TMEM132B: variants seen among roughly 807,000 people sequenced by gnomAD.
The protein encoded by TMEM132B is transmembrane protein 132B.
A neutral mutation model predicts 90.8 loss-of-function variants in TMEM132B; 18 were observed. The observed-to-expected ratio is 0.20, with a 90% CI of 0.14 to 0.29. The LOEUF is 0.29. TMEM132B is among the 10% of genes least tolerant of loss of function. The probability of loss-of-function intolerance (pLI) is 1.00; values close to 1 mark genes in which losing one functional copy is unlikely to be tolerated. For synonymous variants in TMEM132B, 504 were observed against 523.3 expected, an observed-to-expected ratio of 0.96 and a Z score of 0.50; for missense variants, 1,096 against 1,326.8, an observed-to-expected ratio of 0.83 and a Z score of 2.70.
chr12:125,394,014 A>C (rs1167952699), intron 2 of TMEM132B, among the ~76,000 whole-genome samples: 1 of 152,190 alleles, frequency 6.6e-6, no homozygotes, highest in East Asian at 1.9e-4. Context: ...AGGGCAGAAA[A>C]GTCTAGACAA....
At chr12:125,289,386 C>T (rs1358058323) in intron 1 of TMEM132B, among the ~76,000 whole-genome samples, 1 of 152,000 alleles carries the variant, frequency 6.6e-6, no homozygotes, top group Non-Finnish European at 1.5e-5. Context: ...CAAGAACCCA[C>T]CTGCCATGAT....
intron 3 of TMEM132B, among the ~76,000 whole-genome samples, chr12:125,493,471 G>T (rs1882410954): frequency 6.6e-6 from 1 of 152,120 alleles, no homozygotes; most frequent in Non-Finnish European, 1.5e-5. Flanking sequence ...AAGGTAGCTT[G>T]GGGTCACACC....
At chr12:125,353,014 A>G (rs1433452290) in intron 2 of TMEM132B, among the ~76,000 whole-genome samples, 1 of 152,242 alleles carries the variant, frequency 6.6e-6, no homozygotes, top group African/African-American at 2.4e-5. Flanking sequence ...GCTCTGATAG[A>G]AACTAGAGAA....
chr12:125,295,500 C>CTGTGTGTG (rs149003076), intron 1 of TMEM132B, among the ~76,000 whole-genome samples: 44 of 143,480 alleles, frequency 3.1e-4, no homozygotes, highest in African/African-American at 6.1e-4. Context: ...TCCATGAAAC[C>CTGTGTGTG]TGTGTGTGTG....
In TMEM132B at chr12:125,204,411, C is replaced by T. The variant is rs111558195; in HGVS notation, c.67+17545C>T. On this transcript the variant is annotated intron_variant, in intron 1 of 8. Transcript: ENST00000682704. Reference sequence around the variant, plus strand: ...ACTCTGCTTAGTCCTTTATGTGGAGCATCTCATGAATCCTTTCAATGAGGG... The same window carrying T: ...ACTCTGCTTAGTCCTTTATGTGGAGTATCTCATGAATCCTTTCAATGAGGG... 1.2e-3 allele frequency among the ~76,000 whole-genome samples: 121 copies of T among 105,000 alleles called. 2 individuals are homozygous for T. Among genetic ancestry groups the T allele is most frequent in the East Asian group, 1.7e-3 (5 of 3,002 alleles). 68.9% of individuals were successfully genotyped at this position (105,000 alleles called of 152,430 possible).
chr12:125,376,758 G>A (rs1222567021), intron 2 of TMEM132B, among the ~76,000 whole-genome samples: 1 of 152,216 alleles, frequency 6.6e-6, no homozygotes, highest in East Asian at 1.9e-4. Context: ...GTCTAAGGGG[G>A]AGCTGAGTGT....
intron 1 of TMEM132B, among the ~76,000 whole-genome samples, chr12:125,262,985 A>T (rs1874602744): frequency 6.6e-6 from 1 of 152,162 alleles, no homozygotes; most frequent in African/African-American, 2.4e-5. Flanking sequence ...CATGGAGTGG[A>T]TTGGAGTCTG....
chr12:125,563,149 A>AATAATC (rs964000308), intron 4 of TMEM132B, among the ~76,000 whole-genome samples: 4 of 32,330 alleles, frequency 1.2e-4, no homozygotes, highest in African/African-American at 2.4e-4. Context: ...CATAATGCGT[A>AATAATC]ATAATAATAA....
chr12:125,292,682 C>G (rs1875573236), intron 1 of TMEM132B, among the ~76,000 whole-genome samples: 1 of 152,206 alleles, frequency 6.6e-6, no homozygotes, highest in South Asian at 2.1e-4. Flanking sequence ...CAGTTGGCCT[C>G]TTTCTCTGGC....
chr12:125,379,906 C>G (rs756043650), intron 2 of TMEM132B, among the ~76,000 whole-genome samples: 8 of 152,182 alleles, frequency 5.3e-5, no homozygotes, highest in Admixed American at 1.3e-4. Flanking sequence ...GAGGGTTTTT[C>G]AGATCACAAC....
At chr12:125,568,721 A>G (rs1592998185) in intron 4 of TMEM132B, among the ~76,000 whole-genome samples, 1 of 152,312 alleles carries the variant, frequency 6.6e-6, no homozygotes, top group East Asian at 1.9e-4. Flanking sequence ...TGTAGGTCAC[A>G]ATGGCTTCCA....
intron 2 of TMEM132B, among the ~76,000 whole-genome samples, chr12:125,399,685 G>A (rs1303001580): frequency 6.6e-6 from 1 of 152,164 alleles, no homozygotes; most frequent in Non-Finnish European, 1.5e-5. Context: ...TGTTACAACA[G>A]TTCTGGGAAA....
intron 3 of TMEM132B, among the ~76,000 whole-genome samples, chr12:125,437,564 G>T (rs1027143235): frequency 6.6e-5 from 10 of 152,108 alleles, no homozygotes; most frequent in Non-Finnish European, 1.3e-4. Flanking sequence ...ATGTAAGAGG[G>T]TTTCCATTTC....
In TMEM132B at chr12:125,544,241, C is replaced by T. The variant is rs147369623; in HGVS notation, c.1293+24616C>T. ...ATCAGGAAAAATACCTAATGCATGC[C>T]AGGCTTAAGGTGATGGGTTGATAGG... is the stretch of plus-strand genomic sequence containing the variant. On this transcript the variant is annotated intron_variant, in intron 4 of 8. Coordinates refer to ENST00000682704, the MANE Select transcript of TMEM132B (RefSeq NM_001366854.1). Among the ~76,000 whole-genome samples the T allele has an allele frequency of 2.3e-3, 349 of 152,138 alleles. 1 individual carries two copies. Among genetic ancestry groups the T allele is most frequent in the African/African-American group, 8.2e-3 (340 of 41,490 alleles).
At chr12:125,533,931 T>C (rs994462002) in intron 4 of TMEM132B, among the ~76,000 whole-genome samples, 6 of 152,128 alleles carry the variant, frequency 3.9e-5, no homozygotes, top group Non-Finnish European at 7.3e-5. Context: ...TATGGAAAAA[T>C]CAGAATCTCA....
At chr12:125,515,666 C>T (rs953021952) in intron 3 of TMEM132B, among the ~76,000 whole-genome samples, 4 of 149,400 alleles carry the variant, frequency 2.7e-5, no homozygotes, top group Non-Finnish European at 2.9e-5. Flanking sequence ...TTCACACATT[C>T]TTTCTCACAC....
At chr12:125,467,032 T>C (rs1023048760) in intron 3 of TMEM132B, among the ~76,000 whole-genome samples, 5 of 152,260 alleles carry the variant, frequency 3.3e-5, no homozygotes, top group Non-Finnish European at 5.9e-5. Flanking sequence ...CAGCAGTTGA[T>C]GCTGGGATGG....
chr12:125,483,419 T>C (rs1882111104), intron 3 of TMEM132B, among the ~76,000 whole-genome samples: 1 of 152,034 alleles, frequency 6.6e-6, no homozygotes, highest in Non-Finnish European at 1.5e-5. Flanking sequence ...CAACTATGGG[T>C]CAAAAACATT....
intron 4 of TMEM132B, among the ~76,000 whole-genome samples, chr12:125,548,493 G>A (rs992107174): frequency 1.3e-5 from 2 of 152,174 alleles, no homozygotes; most frequent in Non-Finnish European, 2.9e-5. Flanking sequence ...ATGAGAAAGT[G>A]ACCTTTAAGC....
Sources: allele counts gnomAD v4.1 joint callset (sites outside exome capture counted in the v4.1 genomes callset), GRCh38; gene constraint gnomAD v4.1.1; transcripts MANE v1.5; gene names NCBI Gene and HGNC (gene_info 2026-07-23, HGNC 2026-07-21).